Variants in ITGBL1 observed in about 807,000 individuals in gnomAD.
ITGBL1 encodes the protein integrin beta-like protein 1.
In ITGBL1, 51 loss-of-function variants were observed where a neutral mutation model predicts 68.5. The ratio of observed to expected loss-of-function variants is 0.74; its 90% confidence interval spans 0.59 to 0.94. The LOEUF (loss-of-function observed/expected upper bound fraction) is 0.94. Among genes scored for constraint, ITGBL1 ranks in the 40% least tolerant of loss-of-function variants. ITGBL1 has a pLI of 0.00. For synonymous variants in ITGBL1, 209 were observed against 227.3 expected (o/e 0.92, Z 0.72); for missense variants, 649 against 647.4 (o/e 1.00, Z -0.03).
At chr13:101,510,631 C>G (rs2049100755) in intron 2 of ITGBL1, among the ~76,000 whole-genome samples, 1 of 152,066 alleles carries the variant, frequency 6.6e-6, no homozygotes, top group African/African-American at 2.4e-5. Flanking sequence ...TACGAGTTCT[C>G]TTTTTCCTGC....
rs553816478 is a variant in ITGBL1 at position 101,679,205 on chromosome 13, C to T, written c.1016-13380C>T. On this transcript the variant is annotated intron_variant, in intron 7 of 10. Coordinates refer to ENST00000376180, the MANE Select transcript of ITGBL1 (RefSeq NM_004791.3). ...ACAGGCGTGAGCCACCGCGCCTGGC[C>T]GAGAAACACTTTCTATAGAAACATT... 1.2e-4 allele frequency among the ~76,000 whole-genome samples: 18 copies of T among 152,264 alleles called. No homozygotes were observed. The East Asian group carries it at 1.4e-3, about 11-fold the overall frequency.
intron 7 of ITGBL1, among the ~76,000 whole-genome samples, chr13:101,637,111 C>A (rs1182316875): frequency 6.6e-6 from 1 of 151,982 alleles, no homozygotes; most frequent in Non-Finnish European, 1.5e-5. Context: ...TGGGAAGATA[C>A]ATCAAAGTTA....
At chr13:101,693,116 C>T (rs1191162535) in intron 8 of ITGBL1, among the ~76,000 whole-genome samples, 1 of 152,118 alleles carries the variant, frequency 6.6e-6, no homozygotes, top group Non-Finnish European at 1.5e-5. Flanking sequence ...CGCTCAGATT[C>T]TATGATGCCT....
chr13:101,493,764 C>T (rs2048815512), intron 2 of ITGBL1, among the ~76,000 whole-genome samples: 1 of 152,238 alleles, frequency 6.6e-6, no homozygotes, highest in Admixed American at 6.5e-5. Flanking sequence ...CCATTAGCTT[C>T]ATCTGTCTTG....
intron 2 of ITGBL1, among the ~76,000 whole-genome samples, chr13:101,455,377 A>C (rs1343845502): frequency 6.6e-6 from 1 of 152,174 alleles, no homozygotes; most frequent in East Asian, 1.9e-4. Context: ...CTCTTTAAAA[A>C]TACTGAATGC....
intron 6 of ITGBL1, among the ~76,000 whole-genome samples, chr13:101,588,564 CT>C (rs1204061156): frequency 1.3e-5 from 2 of 151,902 alleles, no homozygotes; most frequent in Non-Finnish European, 2.9e-5. Flanking sequence ...GCAAATTGAT[CT>C]TTTTTTAGTT....
At chr13:101,593,715 A>G (rs2050696661) in intron 6 of ITGBL1, among the ~76,000 whole-genome samples, 1 of 152,082 alleles carries the variant, frequency 6.6e-6, no homozygotes, top group Non-Finnish European at 1.5e-5. Flanking sequence ...TAAAATTGAA[A>G]TCATAGAAGC....
chr13:101,469,148 T>C (rs2139638302), intron 2 of ITGBL1, among the ~76,000 whole-genome samples: 1 of 152,236 alleles, frequency 6.6e-6, no homozygotes, highest in East Asian at 1.9e-4. Flanking sequence ...ATGCAGGTTT[T>C]AATATACGTA....
intron 2 of ITGBL1, among the ~76,000 whole-genome samples, chr13:101,460,030 T>C (rs769249253): frequency 6.6e-6 from 1 of 152,124 alleles, no homozygotes; most frequent in Non-Finnish European, 1.5e-5. Context: ...TTTTCTTAGA[T>C]TGTTGAACGA....
At chr13:101,565,834 G>A (rs1014435892) in intron 2 of ITGBL1, among the ~76,000 whole-genome samples, 22 of 151,984 alleles carry the variant, frequency 1.4e-4, no homozygotes, top group Admixed American at 5.3e-4. Context: ...CAGGGGATAA[G>A]CAACTTAGAA....
intron 7 of ITGBL1, among the ~76,000 whole-genome samples, chr13:101,656,754 G>A (rs1566778480): frequency 6.6e-6 from 1 of 152,090 alleles, no homozygotes; most frequent in African/African-American, 2.4e-5. Flanking sequence ...TATCAAACAT[G>A]TCTTTCAAGA....
intron 7 of ITGBL1, among the ~76,000 whole-genome samples, chr13:101,665,814 A>G (rs762114943): frequency 6.6e-6 from 1 of 152,202 alleles, no homozygotes; most frequent in Non-Finnish European, 1.5e-5. Flanking sequence ...AATAACAAGA[A>G]CTATCATAAG....
intron 2 of ITGBL1, among the ~76,000 whole-genome samples, chr13:101,555,022 C>T (rs1358676814): frequency 6.6e-6 from 1 of 152,132 alleles, no homozygotes; most frequent in Non-Finnish European, 1.5e-5. Flanking sequence ...CATAGTTAAA[C>T]AACATCTTTA....
chr13:101,597,735 T>G (rs2030073190), intron 6 of ITGBL1, among the ~76,000 whole-genome samples: 1 of 152,000 alleles, frequency 6.6e-6, no homozygotes, highest in African/African-American at 2.4e-5. Context: ...ATATTTTTAG[T>G]AGAGACCGGG....
intron 2 of ITGBL1, among the ~76,000 whole-genome samples, chr13:101,463,467 G>A (rs911146836): frequency 1.1e-4 from 16 of 152,196 alleles, no homozygotes; most frequent in Non-Finnish European, 2.1e-4. Flanking sequence ...CCTGAAATCT[G>A]TACCCTGATT....
At chr13:101,515,242 A>G (rs1239082884) in intron 2 of ITGBL1, among the ~76,000 whole-genome samples, 2 of 152,096 alleles carry the variant, frequency 1.3e-5, no homozygotes, top group Admixed American at 1.3e-4. Flanking sequence ...TTACATATGA[A>G]TGATGTAAAA....
intron 6 of ITGBL1, among the ~76,000 whole-genome samples, chr13:101,588,506 A>G (rs1397755844): frequency 2.0e-5 from 3 of 152,200 alleles, no homozygotes; most frequent in African/African-American, 7.2e-5. Flanking sequence ...TAACATACAC[A>G]TAAATTTGAC....
chr13:101,523,317 T>C (rs556930504), intron 2 of ITGBL1, among the ~76,000 whole-genome samples: 1 of 152,310 alleles, frequency 6.6e-6, no homozygotes, highest in East Asian at 1.9e-4. Context: ...ATTTTTCCCA[T>C]GACTTCCTTT....
At chr13:101,667,888 C>T (rs1401717925) in intron 7 of ITGBL1, among the ~76,000 whole-genome samples, 1 of 140,036 alleles carries the variant, frequency 7.1e-6, no homozygotes, top group Non-Finnish European at 1.5e-5. Flanking sequence ...ATGCAAATGA[C>T]ACTTAAAAGT....
Sources: allele counts gnomAD v4.1 joint callset (sites outside exome capture counted in the v4.1 genomes callset), GRCh38; gene constraint gnomAD v4.1.1; transcripts MANE v1.5; gene names NCBI Gene and HGNC (gene_info 2026-07-23, HGNC 2026-07-21).